The following ITIH1 variants were observed in gnomAD, a reference collection of about 807,000 sequenced individuals.
The protein encoded by ITIH1 is inter-alpha-trypsin inhibitor heavy chain 1.
Under a neutral mutation model 104.6 loss-of-function variants are expected in ITIH1, and 94 were observed. The observed-to-expected ratio is 0.90, with a 90% CI of 0.76 to 1.07. ITIH1 has a LOEUF of 1.07. ITIH1 is among the 50% of genes least tolerant of loss of function. The pLI, the probability that ITIH1 is intolerant of heterozygous loss-of-function variation, is 0.00. For missense variants in ITIH1, 1,193 were observed against 1,181.4 expected (o/e 1.01, Z -0.14); for synonymous variants, 455 against 464.4 (o/e 0.98, Z 0.26).
chr3:52,779,086 C>T lies in ITIH1; in HGVS notation c.410+40C>T. The T allele has an allele frequency of 2.1e-6, 3 of 1,397,524 alleles. No individual in the cohort carries two copies. The South Asian group carries it at 3.5e-5, about 16-fold the overall frequency. The allele number at this position is 1,397,524 out of a possible 1,614,324, so 86.6% of individuals were successfully genotyped here. ...TGCTGGTCTCATCTCTAGGGCTGCC[C>T]TCCCCAGCCAGGACAGGTCTGATGG... On this transcript the variant is annotated intron_variant, in intron 4 of 21. Transcript: ENST00000273283. This position sits in a 1 kb window ranked among gnomAD's most constrained non-coding sequence, Gnocchi z 4.4.
In ITIH1 at chr3:52,787,025, C is replaced by G. The variant is rs201697654; in HGVS notation, c.1814C>G (p.Pro605Arg). 110 of 1,614,176 alleles carry G rather than the reference C, an allele frequency of 6.8e-5. No individual in the cohort carries two copies. In the East Asian group the frequency reaches 2.3e-3, roughly 33 times the overall value. Reference sequence around the variant, plus strand: ...TCGCTGGACTATGGGTTTGTGACCCCACTGACCTCCATGAGCATCAGGGGC... The same window carrying G: ...TCGCTGGACTATGGGTTTGTGACCCGACTGACCTCCATGAGCATCAGGGGC... ...QMSLDYGFVT[P>R]LTSMSIRGMA... Residue 605 changes from proline to arginine, a missense_variant, in exon 14 of 22, where the codon CCA becomes CGA. Pro to Arg is a moderately radical substitution (Grantham distance 103). Transcript: ENST00000273283.
chr3:52,788,015 C>T lies in ITIH1; in HGVS notation c.1954C>T (p.Pro652Ser). The part of the protein sequence containing the change: ...TFVLSALQPS[P>S]THSSSNTQRL... The stretch of plus-strand genomic sequence containing the variant: ...CGTGCTGTCAGCCTTGCAGCCTTCT[C>T]CTACTCATTCCAGCTCCAATACCCA... Residue 652 changes from proline (P) to serine (S), a missense_variant, in exon 17 of 22, where the codon CCT becomes TCT. By Grantham distance (74) the Pro-to-Ser change is moderately conservative. Transcript: ENST00000273283. 4 of 1,613,566 alleles carry T rather than the reference C, an allele frequency of 2.5e-6. No individual in the cohort carries two copies. The highest frequency in any genetic ancestry group is 3.4e-6 in the Non-Finnish European group (4 of 1,179,766).
chr3:52,790,268 G>GTTCATTCATTCATTCATTCA (rs3217089), intron 19 of ITIH1: 88 of 249,790 alleles, frequency 3.5e-4, no homozygotes, highest in African/African-American at 1.7e-3. Flanking sequence ...TTACTAATTC[G>GTTCATTCATTCATTCATTCA]TTCATTCATT....
chr3:52,786,493 T>C, intron 13 of ITIH1, 59 bp downstream of exon 13: 1 of 1,502,934 alleles, frequency 6.7e-7, no homozygotes, highest in Non-Finnish European at 9.0e-7. Flanking sequence ...CCCCCACCCC[T>C]TGGAGGTGAG....
intron 12 of ITIH1, 118 bp downstream of exon 12, chr3:52,785,347 T>C: frequency 4.3e-6 from 4 of 934,426 alleles, no homozygotes; most frequent in South Asian, 1.7e-5. Flanking sequence ...AGTAGTACCC[T>C]CATCCCCACC....
rs368541371 is a variant in ITIH1 at position 52,786,479 on chromosome 3, A to G, written c.1733+45A>G. On this transcript the variant is annotated intron_variant, in intron 13 of 21. Coordinates refer to ENST00000273283, the MANE Select transcript of ITIH1 (RefSeq NM_002215.4). ...CCCAGGTGGGCACTGCCCACCCCAG[A>G]GTCCCCCCACCCCTTGGAGGTGAGC... The G allele has an allele frequency of 4.5e-6, 7 of 1,542,282 alleles. No homozygotes were observed. The Admixed American group carries it at 7.9e-5, about 17-fold the overall frequency.
chr3:52,782,124 G>A lies in ITIH1; in HGVS notation c.814-27G>A, dbSNP rs564363731. The A allele has an allele frequency of 9.9e-6, 16 of 1,614,004 alleles. No homozygotes were observed. The Admixed American group carries it at 1.7e-4, about 17-fold the overall frequency. On this transcript the variant is annotated intron_variant, in intron 7 of 21. Transcript: ENST00000273283. ...GATGGGCAAGGGGTGCTGTGAGAGT[G>A]GCCTCACTCGTTCTCCTCTATTTCA...
Position 52,779,212 on chromosome 3 carries a change from C to A in ITIH1, c.410+166C>A, listed in dbSNP as rs963018204. 6.6e-6 allele frequency among the ~76,000 whole-genome samples: 1 copy of A among 152,232 alleles called. No individual in the cohort carries two copies. The highest frequency in any genetic ancestry group is 1.5e-5 in the Non-Finnish European group (1 of 68,036). Reference sequence around the variant, plus strand: ...ACGGTGCACTGAACAGGCTGCCGTGCAGTTGCCCTTTTCCCAGATATGCCA... The same window carrying A: ...ACGGTGCACTGAACAGGCTGCCGTGAAGTTGCCCTTTTCCCAGATATGCCA... On this transcript the variant is annotated intron_variant, in intron 4 of 21. Transcript: ENST00000273283. The surrounding 1 kb of genome is among the most constrained non-coding windows in gnomAD (Gnocchi z 4.4).
chr3:52,786,852 GA>G, intron 13 of ITIH1, 92 bp from the exon 14 acceptor site: 2 of 1,364,756 alleles, frequency 1.5e-6, no homozygotes, highest in Admixed American at 2.2e-5. Flanking sequence ...ATGAATGAAT[GA>G]ATGAATGAAT....
chr3:52,786,372 G>A lies in ITIH1; in HGVS notation c.1671G>A (p.Met557Ile). 4 of 1,584,518 alleles carry A rather than the reference G, an allele frequency of 2.5e-6. No homozygotes were observed. The highest frequency in any genetic ancestry group is 3.4e-6 in the Non-Finnish European group (4 of 1,164,922). ...MKKLLRERGH[M>I]LENHVERLWA... ...AACTGCTCCGAGAGCGTGGCCACAT[G>A]CTGGAGAACCACGTCGAGCGCCTCT... Residue 557 changes from methionine (M) to isoleucine (I), a missense_variant, in exon 13 of 22, where the codon ATG (methionine) becomes ATA (isoleucine). Coordinates refer to ENST00000273283, the MANE Select transcript of ITIH1 (RefSeq NM_002215.4).
At chr3:52,784,093 T>C (rs1699136058) in intron 10 of ITIH1, among the ~76,000 whole-genome samples, 3 of 152,086 alleles carry the variant, frequency 2.0e-5, no homozygotes, top group Admixed American at 6.5e-5. Context: ...CCCACCTAGA[T>C]GGGCGGGGTC....
rs371375008 is a variant in ITIH1, at chr3:52,786,433, C to T, written c.1732C>T (p.Arg578Trp). The change falls in exon 13 of 22, where the codon CGG becomes TGG. Residue 578 changes from arginine to tryptophan, a missense_variant and splice_region_variant. Physicochemically the swap from Arg to Trp is moderately radical, Grantham distance 101 (BLOSUM62 -3). Coordinates refer to ENST00000273283, the MANE Select transcript of ITIH1 (RefSeq NM_002215.4). Reference sequence around the variant, plus strand: ...CACCATCCAGGAGCTGCTGGCCAAGCGGTAGGGCACCTGCAGCTGCCCCAG... The same window carrying T: ...CACCATCCAGGAGCTGCTGGCCAAGTGGTAGGGCACCTGCAGCTGCCCCAG... Reference protein sequence around the residue: ...YLTIQELLAKRMKVDREERAN... With the variant: ...YLTIQELLAKWMKVDREERAN... 204 of 1,577,236 alleles carry T rather than the reference C, an allele frequency of 1.3e-4. No individual in the cohort carries two copies. Among genetic ancestry groups the T allele is most frequent in the Middle Eastern group, 8.8e-4 (5 of 5,704 alleles).
Position 52,778,608 on chromosome 3 carries a change from C to T in ITIH1, c.305+102C>T, listed in dbSNP as rs1698962920. On this transcript the variant is annotated intron_variant, in intron 3 of 21. Coordinates refer to ENST00000273283, the MANE Select transcript of ITIH1 (RefSeq NM_002215.4). ...GTGGCCAGATAACGCAGAGCATCTCCTCATTCTAGAAGGGCCACAGACCAG... is the reference window on the plus strand; with the variant it reads ...GTGGCCAGATAACGCAGAGCATCTCTTCATTCTAGAAGGGCCACAGACCAG... The T allele has an allele frequency of 2.6e-6, 4 of 1,550,580 alleles. No homozygotes were observed. The Admixed American group carries it at 5.6e-5, about 22-fold the overall frequency.
Position 52,790,848 on chromosome 3 carries a change from G to C in ITIH1, c.2421G>C (p.Ser807=). The change falls in exon 20 of 22, where the codon TCG becomes TCC. Residue 807 remains serine (S), a synonymous_variant. Transcript: ENST00000273283. ...VVLHRVWKGS[S]VHQDFLGFYV... is the part of the protein sequence containing the mutation. ...TGCACCGAGTGTGGAAGGGGAGCTC[G>C]GTCCACCAGGACTTCCTGGGCTTCT... The C allele has an allele frequency of 6.2e-7, 1 of 1,612,822 alleles. No individual in the cohort carries two copies. The highest frequency in any genetic ancestry group is 8.5e-7 in the Non-Finnish European group (1 of 1,179,462).
At chr3:52,780,579 G>A (rs946842999) in intron 6 of ITIH1, among the ~76,000 whole-genome samples, 197 bp downstream of exon 6, 5 of 152,234 alleles carry the variant, frequency 3.3e-5, no homozygotes, top group African/African-American at 1.2e-4. Context: ...TTTAGCAAAA[G>A]CCTGCATGCT....
intron 3 of ITIH1, 190 bp downstream of exon 3, chr3:52,778,696 A>G (rs1698965681): frequency 1.4e-6 from 2 of 1,435,408 alleles, no homozygotes; most frequent in Admixed American, 5.5e-5. Flanking sequence ...CTTGGAGGCA[A>G]ACTGGGACCC....
At chr3:52,785,396 A>G (rs1234609038) in intron 12 of ITIH1, among the ~76,000 whole-genome samples, 167 bp downstream of exon 12, 2 of 152,188 alleles carry the variant, frequency 1.3e-5, no homozygotes, top group East Asian at 1.9e-4. Context: ...CCCTCCACAC[A>G]GGCATCCTGG....
chr3:52,784,621 A>C, intron 11 of ITIH1, 144 bp downstream of exon 11: 7 of 870,430 alleles, frequency 8.0e-6, no homozygotes, highest in Non-Finnish European at 1.0e-5. Context: ...ATGGTGGCTC[A>C]AGCCTGTAAT....
intron 20 of ITIH1, 83 bp downstream of exon 20, chr3:52,791,004 C>G: frequency 1.4e-6 from 2 of 1,419,678 alleles, no homozygotes; most frequent in Non-Finnish European, 1.9e-6. Flanking sequence ...CCGGTCAGTT[C>G]TATAGCTGGG....
Sources: gnomAD v4.1 joint callset for allele counts (sites outside exome capture counted in the v4.1 genomes callset) on GRCh38, gnomAD v4.1.1 for gene constraint, Gnocchi (gnomAD v3.1) non-coding constraint, MANE v1.5 for transcripts, NCBI Gene and HGNC (gene_info 2026-07-23, HGNC 2026-07-21) for gene names.